The following ELAVL2 variants were observed in gnomAD, a reference collection of about 807,000 sequenced individuals.
ELAVL2 encodes ELAV like RNA binding protein 2.
Under a neutral mutation model 34.6 loss-of-function variants are expected in ELAVL2, and 4 were observed. The ratio of observed to expected loss-of-function variants is 0.12; its 90% confidence interval spans 0.06 to 0.26. The LOEUF (loss-of-function observed/expected upper bound fraction) is 0.26, where lower values mean the gene tolerates loss of function less well. Among genes scored for constraint, ELAVL2 ranks in the 10% least tolerant of loss-of-function variants. The pLI is 1.00. For synonymous variants in ELAVL2, 193 were observed against 154.8 expected, an observed-to-expected ratio of 1.25 and a Z score of -1.83; for missense variants, 432 against 442.8, an observed-to-expected ratio of 0.98 and a Z score of 0.22.
chr9:23,715,323 G>T (rs1455031040), intron 3 of ELAVL2, among the ~76,000 whole-genome samples: 1 of 151,778 alleles, frequency 6.6e-6, no homozygotes, highest in Non-Finnish European at 1.5e-5. Context: ...TAATTTTGTT[G>T]TATTTTTGTA....
intron 3 of ELAVL2, among the ~76,000 whole-genome samples, chr9:23,721,526 C>G (rs1449450867): frequency 6.6e-6 from 1 of 152,172 alleles, no homozygotes; most frequent in African/African-American, 2.4e-5. Flanking sequence ...ACTTACACCT[C>G]CAAGTCCTAT....
At chr9:23,793,666 A>T (rs2060582328) in intron 1 of ELAVL2, among the ~76,000 whole-genome samples, 2 of 152,164 alleles carry the variant, frequency 1.3e-5, no homozygotes, top group Admixed American at 1.3e-4. Context: ...CTGGATCCTT[A>T]TTGATTTTCA....
intron 1 of ELAVL2, among the ~76,000 whole-genome samples, chr9:23,802,410 A>C (rs1322433392): frequency 6.6e-6 from 1 of 152,240 alleles, no homozygotes; most frequent in African/African-American, 2.4e-5. Context: ...TGCTAGTGAT[A>C]GAATCTGGTC....
In ELAVL2 at chr9:23,794,142, T is replaced by C. The variant is rs190482581; in HGVS notation, c.-16+31664A>G. Among the ~76,000 whole-genome samples, 11 of 152,356 alleles carry C rather than the reference T, an allele frequency of 7.2e-5. No individual in the cohort carries two copies. In the South Asian group the frequency reaches 1.7e-3, roughly 23 times the overall value. On this transcript the variant is annotated intron_variant, in intron 1 of 6. Coordinates refer to ENST00000397312, the MANE Select transcript of ELAVL2 (RefSeq NM_004432.5). ...CCAGAGATACTCCAATGTCACTGAC[T>C]AGCATACCAACAGCATTCAAGCTGC...
At chr9:23,721,362 G>A (rs1007357029) in intron 3 of ELAVL2, among the ~76,000 whole-genome samples, 1 of 152,182 alleles carries the variant, frequency 6.6e-6, no homozygotes, top group Non-Finnish European at 1.5e-5. Context: ...GTTAAGGCAA[G>A]CACAAATTTC....
intron 3 of ELAVL2, among the ~76,000 whole-genome samples, chr9:23,723,902 A>G (rs981347890): frequency 5.3e-5 from 8 of 152,098 alleles, no homozygotes; most frequent in African/African-American, 1.9e-4. Flanking sequence ...ACAGACAGCA[A>G]CAATTTCCTA....
intron 5 of ELAVL2, among the ~76,000 whole-genome samples, chr9:23,699,494 C>T (rs2036397686): frequency 6.6e-6 from 1 of 152,126 alleles, no homozygotes; most frequent in Non-Finnish European, 1.5e-5. Context: ...TCAACCAATA[C>T]ATTATGAAGA....
At chr9:23,774,602 C>CA (rs2136449966) in intron 1 of ELAVL2, among the ~76,000 whole-genome samples, 1 of 152,280 alleles carries the variant, frequency 6.6e-6, no homozygotes, top group South Asian at 2.1e-4. Context: ...ATTAGAATTA[C>CA]AGCCTTGCCT....
chr9:23,807,858 G>C (rs904491471), intron 1 of ELAVL2, among the ~76,000 whole-genome samples: 1 of 152,150 alleles, frequency 6.6e-6, no homozygotes. Flanking sequence ...CATTTTCAAA[G>C]CCATGGGTAA....
Position 23,692,445 on chromosome 9 carries a change from T to C in ELAVL2, c.*112A>G. 1.8e-6 allele frequency: 2 copies of C among 1,122,642 alleles called. No homozygotes were observed. The highest frequency in any genetic ancestry group is 2.5e-6 in the Non-Finnish European group (2 of 804,864). 69.5% of individuals were successfully genotyped at this position (1,122,642 alleles called of 1,614,324 possible). ...TTCTTAGGATGCTAAGTAGTCATTT[T>C]ATCCCCATCTCAACACTGACTTACA... is the stretch of plus-strand genomic sequence containing the variant. On this transcript the variant is annotated 3_prime_UTR_variant, in exon 7 of 7. Transcript: ENST00000397312.
intron 2 of ELAVL2, among the ~76,000 whole-genome samples, chr9:23,747,311 T>C (rs1296640341): frequency 6.6e-6 from 1 of 152,114 alleles, no homozygotes; most frequent in African/African-American, 2.4e-5. Context: ...GGTGAGCAAC[T>C]CAAAACTTAT....
chr9:23,723,879 C>T (rs1225967819), intron 3 of ELAVL2, among the ~76,000 whole-genome samples: 2 of 152,086 alleles, frequency 1.3e-5, no homozygotes, highest in Non-Finnish European at 2.9e-5. Flanking sequence ...CAATTCCACA[C>T]GTGCACACAC....
intron 2 of ELAVL2, among the ~76,000 whole-genome samples, chr9:23,751,500 T>TGA (rs1156366348): frequency 3.3e-5 from 5 of 152,310 alleles, no homozygotes; most frequent in Admixed American, 6.5e-5. Context: ...CTCAGCCTTC[T>TGA]GATCTGCTAA....
At chr9:23,787,949 C>A (rs1047880459) in intron 1 of ELAVL2, among the ~76,000 whole-genome samples, 1 of 152,116 alleles carries the variant, frequency 6.6e-6, no homozygotes, top group Non-Finnish European at 1.5e-5. Context: ...AGAGCTGATC[C>A]AGACTAACTT....
intron 1 of ELAVL2, among the ~76,000 whole-genome samples, chr9:23,823,578 G>A (rs765512689): frequency 6.6e-6 from 1 of 152,186 alleles, no homozygotes; most frequent in Non-Finnish European, 1.5e-5. Context: ...ATAAGTAAGG[G>A]CGAGAGTTAA....
chr9:23,821,621 C>T (rs1281552247), intron 1 of ELAVL2: 1 of 152,298 alleles, frequency 6.6e-6, no homozygotes, highest in African/African-American at 2.4e-5. Flanking sequence ...TGACTCGAAG[C>T]TGCAGCTACT....
At chr9:23,730,600 T>C (rs2046292064) in intron 3 of ELAVL2, among the ~76,000 whole-genome samples, 1 of 152,164 alleles carries the variant, frequency 6.6e-6, no homozygotes, top group South Asian at 2.1e-4. Context: ...TTTGTTTATG[T>C]AGTGGCTATT....
intron 1 of ELAVL2, among the ~76,000 whole-genome samples, chr9:23,786,653 G>A (rs2059711943): frequency 6.6e-6 from 1 of 152,000 alleles, no homozygotes; most frequent in Non-Finnish European, 1.5e-5. Flanking sequence ...AAGAAGCTTG[G>A]AGGAAAATAT....
intron 1 of ELAVL2, among the ~76,000 whole-genome samples, chr9:23,771,719 A>G (rs960484774): frequency 1.3e-5 from 2 of 152,216 alleles, no homozygotes; most frequent in Non-Finnish European, 2.9e-5. Context: ...AAAGTAAAAT[A>G]GCTCAAAGCT....
Sources: allele counts gnomAD v4.1 joint callset (sites outside exome capture counted in the v4.1 genomes callset), GRCh38; gene constraint gnomAD v4.1.1; transcripts MANE v1.5; gene names NCBI Gene and HGNC (gene_info 2026-07-23, HGNC 2026-07-21).